The following GALNTL6 variants were observed in gnomAD, a reference collection of about 807,000 sequenced individuals.
GALNTL6 encodes polypeptide N-acetylgalactosaminyltransferase like 6.
In GALNTL6, 46 loss-of-function variants were observed where a neutral mutation model predicts 73.7. That is an observed-to-expected ratio of 0.62 (90% CI 0.49 to 0.80). The LOEUF (loss-of-function observed/expected upper bound fraction) is 0.80. GALNTL6 is among the 30% of genes least tolerant of loss of function. GALNTL6 has a pLI of 0.00. For missense variants in GALNTL6, 604 were observed against 755.0 expected (o/e 0.80, Z 2.34); for synonymous variants, 259 against 263.7 (o/e 0.98, Z 0.17).
At position 172,607,702 on chromosome 4, in the gene GALNTL6, A is replaced by T. The variant is rs756076466; in HGVS notation, c.554-201659A>T. On this transcript the variant is annotated intron_variant, in intron 5 of 12. Transcript: ENST00000506823. ...TTCCACAGTGGCTGAACTAATTTAC[A>T]TTCCCACCAGCAGTGTGTAAATGTT... 1.3e-5 allele frequency among the ~76,000 whole-genome samples: 2 copies of T among 152,288 alleles called. 1 individual carries two copies. The highest frequency in any genetic ancestry group is 4.1e-4 in the South Asian group (2 of 4,828).
At chr4:172,362,960 T>C (rs1391734334) in intron 5 of GALNTL6, among the ~76,000 whole-genome samples, 2 of 152,192 alleles carry the variant, frequency 1.3e-5, no homozygotes, top group Non-Finnish European at 2.9e-5. Flanking sequence ...TTGTGGCTTG[T>C]TGTTCTGTTC....
chr4:171,867,064 T>C (rs1252511282), intron 2 of GALNTL6, among the ~76,000 whole-genome samples: 2 of 152,186 alleles, frequency 1.3e-5, no homozygotes, highest in East Asian at 3.9e-4. Flanking sequence ...TTTTATAATA[T>C]ATAAAATATG....
At chr4:172,345,084 A>C (rs1741693252) in intron 4 of GALNTL6, among the ~76,000 whole-genome samples, 7 of 140,342 alleles carry the variant, frequency 5.0e-5, no homozygotes, top group Admixed American at 4.9e-4. Flanking sequence ...GCACATTATG[A>C]AGAGGTATTG....
chr4:172,330,800 G>A (rs577143278), intron 4 of GALNTL6, among the ~76,000 whole-genome samples: 6 of 152,186 alleles, frequency 3.9e-5, no homozygotes, highest in African/African-American at 1.4e-4. Context: ...GGCACTTTAA[G>A]TACATATATA....
chr4:173,013,026 A>G (rs1221213221), intron 11 of GALNTL6, among the ~76,000 whole-genome samples: 1 of 152,178 alleles, frequency 6.6e-6, no homozygotes, highest in Non-Finnish European at 1.5e-5. Flanking sequence ...ACATATATCC[A>G]GAGGGGTTTA....
At chr4:172,834,472 A>G (rs1171261603) in intron 7 of GALNTL6, among the ~76,000 whole-genome samples, 2 of 152,334 alleles carry the variant, frequency 1.3e-5, no homozygotes, top group East Asian at 3.9e-4. Flanking sequence ...GCACTTCCCA[A>G]TAGGTCAAGA....
rs769062417 is a variant in GALNTL6 at position 172,333,037 on chromosome 4, C to T, written c.387-15486C>T. On this transcript the variant is annotated intron_variant, in intron 4 of 12. Transcript: ENST00000506823. Reference sequence around the variant, plus strand: ...GTTACCTCATTGTGGTTTTGAGTTGCATATCTCTGATAATTAATGATGATC... The same window carrying T: ...GTTACCTCATTGTGGTTTTGAGTTGTATATCTCTGATAATTAATGATGATC... 3.0e-4 allele frequency among the ~76,000 whole-genome samples: 45 copies of T among 152,124 alleles called. 1 individual carries two copies. Among genetic ancestry groups the T allele is most frequent in the Non-Finnish European group, 8.8e-5 (6 of 68,014 alleles).
chr4:172,320,588 A>G (rs1740723920), intron 4 of GALNTL6, among the ~76,000 whole-genome samples: 1 of 152,204 alleles, frequency 6.6e-6, no homozygotes, highest in South Asian at 2.1e-4. Flanking sequence ...GGAGAGAAAA[A>G]AAGAATGAGA....
chr4:172,559,890 T>A (rs940439892), intron 5 of GALNTL6, among the ~76,000 whole-genome samples: 24 of 152,208 alleles, frequency 1.6e-4, no homozygotes, highest in African/African-American at 5.5e-4. Flanking sequence ...CTATAGTTGA[T>A]ACCAATTCAT....
At chr4:173,022,221 AAG>A (rs1278956583) in intron 12 of GALNTL6, among the ~76,000 whole-genome samples, 7 of 136,920 alleles carry the variant, frequency 5.1e-5, no homozygotes, top group Non-Finnish European at 9.2e-5. Context: ...GGAAGGAAGG[AAG>A]GAAGTTTTGA....
intron 5 of GALNTL6, among the ~76,000 whole-genome samples, chr4:172,381,373 A>C (rs556332113): frequency 5.9e-5 from 9 of 152,274 alleles, no homozygotes; most frequent in Admixed American, 2.0e-4. Context: ...CCAATCTTAT[A>C]ATAGTTTCAT....
chr4:171,817,158 G>A (rs1734546008), intron 2 of GALNTL6, among the ~76,000 whole-genome samples: 2 of 151,870 alleles, frequency 1.3e-5, no homozygotes, highest in East Asian at 1.9e-4. Context: ...GCAGATCAAA[G>A]CACTGACAGC....
At chr4:172,899,616 A>G (rs1007870957) in intron 8 of GALNTL6, among the ~76,000 whole-genome samples, 3 of 152,188 alleles carry the variant, frequency 2.0e-5, no homozygotes, top group African/African-American at 4.8e-5. Flanking sequence ...GTCCTGATCC[A>G]TACCCCAAGA....
chr4:172,138,519 T>A (rs1311006509), intron 2 of GALNTL6, among the ~76,000 whole-genome samples: 723 of 21,052 alleles, frequency 0.034, no homozygotes, highest in East Asian at 0.06. Context: ...ATATATTTTT[T>A]TTTTTTTTTT....
At chr4:172,050,920 C>CTAAGAAA in intron 2 of GALNTL6, among the ~76,000 whole-genome samples, 1 of 152,078 alleles carries the variant, frequency 6.6e-6, no homozygotes, top group East Asian at 1.9e-4. Flanking sequence ...GGAACGCTAG[C>CTAAGAAA]TAAGAAAGTA....
intron 5 of GALNTL6, among the ~76,000 whole-genome samples, chr4:172,473,941 G>T (rs888767337): frequency 3.3e-5 from 5 of 152,110 alleles, no homozygotes; most frequent in Non-Finnish European, 7.4e-5. Flanking sequence ...CTAAAAGCTG[G>T]ATCATGCCAC....
chr4:172,419,486 C>A (rs570710292), intron 5 of GALNTL6, among the ~76,000 whole-genome samples: 1 of 152,094 alleles, frequency 6.6e-6, no homozygotes, highest in South Asian at 2.1e-4. Context: ...AATGTCTTTG[C>A]AACATTTAAT....
At chr4:172,323,915 T>G (rs1740846328) in intron 4 of GALNTL6, among the ~76,000 whole-genome samples, 1 of 152,080 alleles carries the variant, frequency 6.6e-6, no homozygotes, top group South Asian at 2.1e-4. Flanking sequence ...ATTGGTGTCC[T>G]TTCCACACAG....
intron 5 of GALNTL6, among the ~76,000 whole-genome samples, chr4:172,651,130 G>A (rs547586061): frequency 9.6e-4 from 146 of 152,292 alleles, no homozygotes; most frequent in African/African-American, 3.4e-3. Context: ...TAGTCCATGT[G>A]TATTGTCCAT....
Sources: gnomAD v4.1 joint callset for allele counts (sites outside exome capture counted in the v4.1 genomes callset) on GRCh38, gnomAD v4.1.1 for gene constraint, MANE v1.5 for transcripts, NCBI Gene and HGNC (gene_info 2026-07-23, HGNC 2026-07-21) for gene names.